Variants in TASOR2 observed in about 807,000 individuals in gnomAD.
TASOR2 encodes the protein protein TASOR 2.
A neutral mutation model predicts 199.5 loss-of-function variants in TASOR2; 84 were observed. The observed-to-expected ratio is 0.42, with a 90% CI of 0.35 to 0.50. The LOEUF (loss-of-function observed/expected upper bound fraction) is 0.50. Among genes scored for constraint, TASOR2 ranks in the 20% least tolerant of loss-of-function variants. The pLI is 0.02. For synonymous variants in TASOR2, 1,103 were observed against 1,046.6 expected (o/e 1.05, Z -1.04); for missense variants, 2,796 against 2,835.9 (o/e 0.99, Z 0.32).
chr10:5,756,767 G>T (rs3793707), intron 16 of TASOR2, 29 bp downstream of exon 17: 314,373 of 1,602,530 alleles, frequency 0.2, 32,302 homozygotes, highest in Admixed American at 0.23. Context: ...ACAAAGAAAC[G>T]TATTCCAGGC....
intron 1 of TASOR2, among the ~76,000 whole-genome samples, chr10:5,711,885 T>TCTA (rs926185079): frequency 6.6e-6 from 1 of 152,080 alleles, no homozygotes; most frequent in African/African-American, 2.4e-5. Flanking sequence ...TACAATGATT[T>TCTA]CTATTGTGTC....
chr10:5,737,309 G>A lies in TASOR2; in HGVS notation c.1447+1763G>A. On this transcript the variant is annotated intron_variant, in intron 12 of 20. Coordinates refer to ENST00000328090, the Ensembl canonical transcript of TASOR2. This position sits in a 1 kb window ranked among gnomAD's most constrained non-coding sequence, Gnocchi z 4.9. ...TTTTTTGTTTTTTTTTTCAACTTAA[G>A]CATACCCTGAGATTCTTTAAGTTTT... Among the ~76,000 whole-genome samples the A allele has an allele frequency of 6.6e-6, 1 of 151,162 alleles. No individual in the cohort carries two copies. The highest frequency in any genetic ancestry group is 2.1e-4 in the South Asian group (1 of 4,796).
At chr10:5,721,439 T>A (rs1833345155) in intron 6 of TASOR2, among the ~76,000 whole-genome samples, 1 of 152,340 alleles carries the variant, frequency 6.6e-6, no homozygotes, top group South Asian at 2.1e-4. Context: ...GGAAATCTTT[T>A]TGGTTCATCC....
rs1480012954 is a variant in TASOR2 at position 5,698,402 on chromosome 10, C to G, written c.-288+13227C>G. Among the ~76,000 whole-genome samples, 1 of 151,960 alleles carries G rather than the reference C, an allele frequency of 6.6e-6. No individual in the cohort carries two copies. The highest frequency in any genetic ancestry group is 1.5e-5 in the Non-Finnish European group (1 of 68,014). On this transcript the variant is annotated intron_variant, in intron 1 of 20. Transcript: ENST00000328090. This position sits in a 1 kb window ranked among gnomAD's most constrained non-coding sequence, Gnocchi z 4.4. ...GTAAGCCAGTGAACTTCAGGATGGT[C>G]TGTTAATAAACATTAGTTAACCGAA...
In TASOR2 at chr10:5,687,914, A is replaced by G. The variant is rs1024915694; in HGVS notation, c.-288+2739A>G. On this transcript the variant is annotated intron_variant, in intron 1 of 20. Coordinates refer to ENST00000328090, the Ensembl canonical transcript of TASOR2. The surrounding 1 kb of genome is among the most constrained non-coding windows in gnomAD (Gnocchi z 4.8). ...ATTAAAACTGATAAATTTGAAATGT[A>G]TGTTTATTTATTGGTACCTTTAAAT... Among the ~76,000 whole-genome samples, 5 of 152,220 alleles carry G rather than the reference A, an allele frequency of 3.3e-5. No individual in the cohort carries two copies. Among genetic ancestry groups the G allele is most frequent in the African/African-American group, 1.2e-4 (5 of 41,476 alleles).
At position 5,685,280 on chromosome 10, in the gene TASOR2, A is replaced by G. The variant is rs930152216; in HGVS notation, c.-288+105A>G. 16 of 396,430 alleles carry G rather than the reference A, an allele frequency of 4.0e-5. No individual in the cohort carries two copies. The highest frequency in any genetic ancestry group is 1.2e-3 in the Middle Eastern group (2 of 1,604). 24.6% of individuals were successfully genotyped at this position (396,430 alleles called of 1,614,324 possible). ...TGCCGGGGCTTGGCTGCGAGGGTCG[A>G]CGCGTTCTCCTTGCCTTTTGCCGCG... On this transcript the variant is annotated intron_variant, in intron 1 of 20. Transcript: ENST00000328090. The surrounding 1 kb of genome is among the most constrained non-coding windows in gnomAD (Gnocchi z 5.4).
exon 19 of TASOR2, chr10:5,761,406 T>C (rs768096610): frequency 3.7e-6 from 6 of 1,613,858 alleles, no homozygotes; most frequent in South Asian, 1.1e-5. Flanking sequence ...AAAGCAGAAA[T>C]TCTGAAATGT....
At chr10:5,741,261 A>G (rs1015252681) in intron 13 of TASOR2, among the ~76,000 whole-genome samples, 3 of 152,208 alleles carry the variant, frequency 2.0e-5, no homozygotes, top group Non-Finnish European at 4.4e-5. Context: ...CTGAGGTTAC[A>G]TATATTGAGA....
rs760964584 is a variant in TASOR2, at chr10:5,757,433, ACT to A, written c.6733-82_6733-81del. ...TATTTTCAGTTGTTCCTGAACCTTG[ACT>A]CTCTTGGATAGAAAAGCAAGGGAGT... On this transcript the variant is annotated intron_variant, in intron 16 of 20. Coordinates refer to ENST00000328090, the Ensembl canonical transcript of TASOR2. 8.5e-6 allele frequency: 11 copies of A among 1,295,338 alleles called. No individual in the cohort carries two copies. The East Asian group carries it at 2.2e-4, about 26-fold the overall frequency. 80.2% of individuals were successfully genotyped at this position (1,295,338 alleles called of 1,614,324 possible). A position where few individuals can be genotyped will look rare whatever the true frequency, so the allele number is the denominator to read the frequency against.
In TASOR2 at chr10:5,746,167, T is replaced by C. The variant is rs777648476; in HGVS notation, c.2758-12T>C. The stretch of plus-strand genomic sequence containing the variant: ...GACTGATTTTTTTTTTTTTTTACTT[T>C]GGCCGTTTCAGGTAACTGGGGAAGA... On this transcript the variant is annotated splice_polypyrimidine_tract_variant and intron_variant, in intron 14 of 20. Transcript: ENST00000328090. 116 of 1,515,664 alleles carry C rather than the reference T, an allele frequency of 7.7e-5. No individual in the cohort carries two copies. Among genetic ancestry groups the C allele is most frequent in the Non-Finnish European group, 9.7e-5 (110 of 1,133,290 alleles). 93.9% of individuals were successfully genotyped at this position (1,515,664 alleles called of 1,614,324 possible).
At position 5,748,914 on chromosome 10, in the gene TASOR2, T is replaced by C. The variant is rs748057925; in HGVS notation, c.5493T>C (p.Asp1831=). 6 of 1,614,134 alleles carry C rather than the reference T, an allele frequency of 3.7e-6. No homozygotes were observed. Among genetic ancestry groups the C allele is most frequent in the Non-Finnish European group, 5.1e-6 (6 of 1,180,012 alleles). ...ACTATGAACTCTCTGGAGATTCTGA[T>C]CTAGACCTGCTTGGTGATTGTAGAA... Residue 1831 remains aspartate (D), a synonymous_variant, in exon 15 of 21, where the codon GAT becomes GAC. Transcript: ENST00000328090. The surrounding 1 kb of genome is among the most constrained non-coding windows in gnomAD (Gnocchi z 5.1).
intron 16 of TASOR2, 75 bp downstream of exon 17, chr10:5,756,813 CTTTT>C: frequency 6.8e-7 from 1 of 1,481,000 alleles, no homozygotes; most frequent in Non-Finnish European, 9.1e-7. Flanking sequence ...ACTCATCCCT[CTTTT>C]TTTATGTAGA....
chr10:5,731,742 A>C (rs1301419830), intron 11 of TASOR2, among the ~76,000 whole-genome samples: 1 of 152,132 alleles, frequency 6.6e-6, no homozygotes, highest in Non-Finnish European at 1.5e-5. Context: ...CCCACCACCA[A>C]CATGTTATGT....
intron 17 of TASOR2, 44 bp downstream of exon 18, chr10:5,757,717 A>G (rs370049913): frequency 2.2e-4 from 359 of 1,596,240 alleles, no homozygotes; most frequent in Non-Finnish European, 3.0e-4. Flanking sequence ...AGTCAGATCA[A>G]CTTCTCACCC....
intron 10 of TASOR2, among the ~76,000 whole-genome samples, chr10:5,727,525 A>T (rs1459275443): frequency 6.6e-6 from 1 of 152,158 alleles, no homozygotes; most frequent in Non-Finnish European, 1.5e-5. Context: ...TGTGATGTTG[A>T]TCCACCCAGA....
chr10:5,745,978 T>TG (rs530219187), intron 14 of TASOR2, among the ~76,000 whole-genome samples: 1 of 152,138 alleles, frequency 6.6e-6, no homozygotes, highest in African/African-American at 2.4e-5. Flanking sequence ...CAAATCCCAC[T>TG]GGGGGGTATT....
intron 1 of TASOR2, among the ~76,000 whole-genome samples, chr10:5,696,418 G>A (rs887138632): frequency 1.3e-5 from 2 of 152,146 alleles, no homozygotes; most frequent in Non-Finnish European, 2.9e-5. Flanking sequence ...GTGCAGTAGC[G>A]CCATCATAAC....
chr10:5,693,759 T>C (rs1366022187), intron 1 of TASOR2, among the ~76,000 whole-genome samples: 2 of 152,296 alleles, frequency 1.3e-5, no homozygotes, highest in South Asian at 2.1e-4. Context: ...TCAGATAATA[T>C]ATAAAGCTGT....
chr10:5,702,635 A>T (rs1016684456), intron 1 of TASOR2, among the ~76,000 whole-genome samples: 23 of 84,910 alleles, frequency 2.7e-4, no homozygotes, highest in African/African-American at 9.3e-4. Context: ...TAAAATGGTC[A>T]TTTTTTTTTT....
Sources: allele counts gnomAD v4.1 joint callset (sites outside exome capture counted in the v4.1 genomes callset), GRCh38; gene constraint gnomAD v4.1.1; non-coding constraint Gnocchi (gnomAD v3.1); transcripts MANE v1.5; gene names NCBI Gene and HGNC (gene_info 2026-07-23, HGNC 2026-07-21).